ARFGEF3: variants seen among roughly 807,000 people sequenced by gnomAD.
ARFGEF3 encodes brefeldin A-inhibited guanine nucleotide-exchange protein 3.
A neutral mutation model predicts 221.7 loss-of-function variants in ARFGEF3; 96 were observed. That is an observed-to-expected ratio of 0.43 (90% CI 0.37 to 0.51). The LOEUF (loss-of-function observed/expected upper bound fraction) is 0.51. Ranked by LOEUF, ARFGEF3 falls within the 20% of genes least tolerant of loss-of-function variation. The pLI, the probability that ARFGEF3 is intolerant of heterozygous loss-of-function variation, is 0.00. For synonymous variants in ARFGEF3, 1,145 were observed against 1,126.8 expected (o/e 1.02, Z -0.32); for missense variants, 2,410 against 2,789.9 (o/e 0.86, Z 3.07).
At chr6:138,207,845 C>G (rs1292820778) in intron 3 of ARFGEF3, among the ~76,000 whole-genome samples, 1 of 152,112 alleles carries the variant, frequency 6.6e-6, no homozygotes, top group Non-Finnish European at 1.5e-5. Flanking sequence ...ATGTCAGTAT[C>G]AACTGCTTCA....
At chr6:138,225,749 G>A (rs1054288648) in intron 4 of ARFGEF3, among the ~76,000 whole-genome samples, 27 of 152,074 alleles carry the variant, frequency 1.8e-4, no homozygotes, top group African/African-American at 6.5e-4. Context: ...AAAACCAAAG[G>A]TTCTATGCTT....
chr6:138,201,288 C>A (rs527525242), intron 2 of ARFGEF3, among the ~76,000 whole-genome samples: 1 of 152,260 alleles, frequency 6.6e-6, no homozygotes, highest in African/African-American at 2.4e-5. Flanking sequence ...AAAAGTAGAT[C>A]TATCATTTGA....
At chr6:138,218,277 G>A (rs760652024) in intron 4 of ARFGEF3, 16 of 1,603,930 alleles carry the variant, frequency 1.0e-5, no homozygotes, top group Non-Finnish European at 1.4e-5. Context: ...AGTTTCTGGA[G>A]CTAGAATGCC....
intron 4 of ARFGEF3, chr6:138,216,923 G>C (rs1777875180): frequency 6.6e-6 from 1 of 152,210 alleles, no homozygotes; most frequent in South Asian, 2.1e-4. Flanking sequence ...CCCTCTTCCT[G>C]CTCATAAGGT....
intron 14 of ARFGEF3, among the ~76,000 whole-genome samples, chr6:138,285,312 A>G (rs1562379267): frequency 6.6e-6 from 1 of 152,050 alleles, no homozygotes; most frequent in Non-Finnish European, 1.5e-5. Flanking sequence ...TTAGCCGGGC[A>G]TGGTGGTGGG....
chr6:138,227,042 TG>T (rs1297535017), intron 4 of ARFGEF3, among the ~76,000 whole-genome samples: 5 of 149,338 alleles, frequency 3.3e-5, no homozygotes, highest in Non-Finnish European at 4.5e-5. Flanking sequence ...GGGTTGATTT[TG>T]TTTTTTTTTT....
In ARFGEF3 at chr6:138,214,625, C is replaced by T. The variant is rs561598077; in HGVS notation, c.351+4584C>T. ...ACATGGAAGATTGAACCATGTCACA[C>T]TCTAAAGTGTATGGAACAATTGTAT... is the stretch of plus-strand genomic sequence containing the variant. On this transcript the variant is annotated intron_variant, in intron 4 of 33. Transcript: ENST00000251691. Among the ~76,000 whole-genome samples the T allele has an allele frequency of 3.3e-5, 5 of 152,316 alleles. No homozygotes were observed. The East Asian group carries it at 9.6e-4, about 29-fold the overall frequency.
intron 7 of ARFGEF3, among the ~76,000 whole-genome samples, chr6:138,244,728 A>G (rs1167983212): frequency 6.6e-6 from 1 of 151,976 alleles, no homozygotes; most frequent in Non-Finnish European, 1.5e-5. Context: ...ATTTCACCCC[A>G]TTTTTCTCTG....
At position 138,255,729 on chromosome 6, in the gene ARFGEF3, C is replaced by G. The variant is rs200706886; in HGVS notation, c.1064C>G (p.Pro355Arg). The change falls in exon 10 of 34, where the codon CCA becomes CGA. Residue 355 changes from proline to arginine, a missense_variant. By Grantham distance (103) the Pro-to-Arg change is moderately radical (BLOSUM62 -2). This residue lies in a region of ARFGEF3 where 570 missense variants were observed against 586.9 expected (regional missense o/e 0.97). Coordinates refer to ENST00000251691, the MANE Select transcript of ARFGEF3 (RefSeq NM_020340.5). ...SLYHRVLLYP[P>R]PQHRVEAIKI... is the part of the protein sequence containing the mutation. ...TACCACCGAGTGCTGCTCTACCCCCCACCCCAGCACCGGGTGGAAGCCATC... is the reference window on the plus strand; with the variant it reads ...TACCACCGAGTGCTGCTCTACCCCCGACCCCAGCACCGGGTGGAAGCCATC... 104 of 1,596,956 alleles carry G rather than the reference C, an allele frequency of 6.5e-5. No homozygotes were observed. The highest frequency in any genetic ancestry group is 4.6e-4 in the Admixed American group (27 of 58,940).
intron 4 of ARFGEF3, among the ~76,000 whole-genome samples, chr6:138,212,348 C>A (rs545217022): frequency 6.6e-6 from 1 of 152,028 alleles, no homozygotes. Context: ...GGCAACATGG[C>A]GAAACCACAT....
intron 4 of ARFGEF3, among the ~76,000 whole-genome samples, chr6:138,222,473 G>A (rs955660303): frequency 1.3e-5 from 2 of 152,240 alleles, no homozygotes; most frequent in East Asian, 1.9e-4. Flanking sequence ...CTCAGGGGAC[G>A]TTTAGCAATT....
rs76866881 is a variant in ARFGEF3 at position 138,280,223 on chromosome 6, A to G, written c.2461+59A>G. Reference sequence around the variant, plus strand: ...GGTAGGGTGGGACGGCTCACGCTTTAAAGCCTCTTTCAGAGAAGTGTTGGT... The same window carrying G: ...GGTAGGGTGGGACGGCTCACGCTTTGAAGCCTCTTTCAGAGAAGTGTTGGT... On this transcript the variant is annotated intron_variant, in intron 14 of 33. Coordinates refer to ENST00000251691, the MANE Select transcript of ARFGEF3 (RefSeq NM_020340.5). 2,976 of 1,537,510 alleles carry G rather than the reference A, an allele frequency of 1.9e-3. 37 individuals carry two copies. In the African/African-American group the frequency reaches 0.029, roughly 15 times the overall value.
chr6:138,295,163 G>A (rs1169371633), intron 20 of ARFGEF3, among the ~76,000 whole-genome samples: 3 of 151,968 alleles, frequency 2.0e-5, no homozygotes, highest in East Asian at 1.9e-4. Context: ...AGGAAGGGTC[G>A]GTAAATCTAG....
At chr6:138,236,123 G>T (rs1352567357) in intron 5 of ARFGEF3, among the ~76,000 whole-genome samples, 1 of 152,182 alleles carries the variant, frequency 6.6e-6, no homozygotes, top group African/African-American at 2.4e-5. Flanking sequence ...AGTCTAAAGT[G>T]AATGATGTAA....
At chr6:138,236,905 C>T (rs1041515658) in intron 5 of ARFGEF3, among the ~76,000 whole-genome samples, 8 of 151,930 alleles carry the variant, frequency 5.3e-5, no homozygotes, top group African/African-American at 1.5e-4. Flanking sequence ...TTATAACTTG[C>T]TTTTGCTTTT....
At chr6:138,206,843 G>C (rs1456672886) in intron 2 of ARFGEF3, among the ~76,000 whole-genome samples, 199 bp from the exon 3 acceptor site, 1 of 152,206 alleles carries the variant, frequency 6.6e-6, no homozygotes, top group African/African-American at 2.4e-5. Context: ...ATACCAAGAA[G>C]GCAAGGGGTT....
Position 138,342,238 on chromosome 6 carries a change from A to G in ARFGEF3, c.*5752A>G, listed in dbSNP as rs1780442364. 6.6e-6 allele frequency: 1 copy of G among 152,228 alleles called. No homozygotes were observed. Among genetic ancestry groups the G allele is most frequent in the South Asian group, 2.1e-4 (1 of 4,828 alleles). The allele number at this position is 152,228 out of a possible 1,614,324, so 9.4% of individuals were successfully genotyped here. A position where few individuals can be genotyped will look rare whatever the true frequency, so the allele number is the denominator to read the frequency against. On this transcript the variant is annotated 3_prime_UTR_variant, in exon 34 of 34. Coordinates refer to ENST00000251691, the MANE Select transcript of ARFGEF3 (RefSeq NM_020340.5). ...GTCAGAGTTCCCAGTTAAGTAAATC[A>G]GGAAATTTGTATTTCTAACAAGTTT...
At chr6:138,271,611 T>C (rs1204451522) in intron 12 of ARFGEF3, among the ~76,000 whole-genome samples, 1 of 152,240 alleles carries the variant, frequency 6.6e-6, no homozygotes, top group Non-Finnish European at 1.5e-5. Flanking sequence ...ATCCAAGGTA[T>C]GTACATAGCT....
chr6:138,227,844 T>A (rs942628231), intron 4 of ARFGEF3, among the ~76,000 whole-genome samples: 3 of 152,050 alleles, frequency 2.0e-5, no homozygotes, highest in Non-Finnish European at 4.4e-5. Context: ...GAGAGGGGGA[T>A]CTGGGAATGT....
Sources: gnomAD v4.1 joint callset for allele counts (sites outside exome capture counted in the v4.1 genomes callset) on GRCh38, gnomAD v4.1.1 for gene constraint, gnomAD v4.1.1 regional missense constraint, MANE v1.5 for transcripts, NCBI Gene and HGNC (gene_info 2026-07-23, HGNC 2026-07-21) for gene names.